Variants in BABAM2 observed in about 807,000 individuals in gnomAD.
The protein encoded by BABAM2 is BRISC and BRCA1 A complex member 2, also known as BRISC and BRCA1-A complex member 2.
A neutral mutation model predicts 54.7 loss-of-function variants in BABAM2; 31 were observed. The ratio of observed to expected loss-of-function variants is 0.57; its 90% CI spans 0.43 to 0.77. The LOEUF is 0.77. BABAM2 is among the 30% of genes least tolerant of loss of function. The pLI, the probability that BABAM2 is intolerant of heterozygous loss-of-function variation, is 0.00. For synonymous variants in BABAM2, 167 were observed against 162.9 expected, an observed-to-expected ratio of 1.03 and a Z score of -0.19; for missense variants, 364 against 455.8, an observed-to-expected ratio of 0.80 and a Z score of 1.83.
intron 10 of BABAM2, among the ~76,000 whole-genome samples, chr2:28,264,229 A>G (rs1558483989): frequency 1.3e-5 from 2 of 152,174 alleles, no homozygotes; most frequent in Non-Finnish European, 2.9e-5. Context: ...TAAGAGCTGA[A>G]TGTAAGCATG....
chr2:28,086,876 A>C (rs1028638119), intron 6 of BABAM2, among the ~76,000 whole-genome samples: 1 of 152,234 alleles, frequency 6.6e-6, no homozygotes, highest in African/African-American at 2.4e-5. Context: ...GTCCACTTCT[A>C]ATTACTTACT....
intron 11 of BABAM2, among the ~76,000 whole-genome samples, chr2:28,300,967 C>T (rs12617913): frequency 0.62 from 94,594 of 152,040 alleles, 29,575 homozygotes; most frequent in Middle Eastern, 0.78. Context: ...ACTGAGTAAC[C>T]ACCCTGTGCT....
Position 27,898,339 on chromosome 2 carries a change from C to A in BABAM2, c.128+3655C>A, listed in dbSNP as rs181473979. 6.6e-5 allele frequency among the ~76,000 whole-genome samples: 10 copies of A among 152,238 alleles called. No individual in the cohort carries two copies. In the East Asian group the frequency reaches 1.9e-3, roughly 29 times the overall value. On this transcript the variant is annotated intron_variant, in intron 2 of 11. Coordinates refer to ENST00000379624, the MANE Select transcript of BABAM2 (RefSeq NM_199191.3). ...TGCATTTTACTGCTAGGAACAAACA[C>A]ATTAAGGATTTTCTTCTTTTATTGG...
At chr2:27,918,986 G>A (rs568529061) in intron 2 of BABAM2, among the ~76,000 whole-genome samples, 4 of 152,160 alleles carry the variant, frequency 2.6e-5, no homozygotes, top group Admixed American at 6.5e-5. Flanking sequence ...CACTGTGCCC[G>A]GCCTCATTAT....
At chr2:27,890,380 A>G (rs1211603708), upstream of BABAM2, 1 of 1,593,696 alleles carries the variant, frequency 6.3e-7, no homozygotes, top group Non-Finnish European at 8.5e-7. The surrounding 1 kb of genome is among the most constrained non-coding windows in gnomAD (Gnocchi z 4.8). Flanking sequence ...CTGGACGGTG[A>G]CCTCTGCCCT....
chr2:28,112,143 TTCTTTACCTCCCTCCC>T (rs1668111916), intron 6 of BABAM2, among the ~76,000 whole-genome samples: 10 of 12,558 alleles, frequency 8.0e-4, no homozygotes, highest in African/African-American at 2.8e-3. Flanking sequence ...CTTTCTTTCT[TTCTTTACCTCCCTCCC>T]TCCCTCCCTC....
At chr2:27,982,911 A>G (rs1672128508) in intron 3 of BABAM2, among the ~76,000 whole-genome samples, 1 of 151,494 alleles carries the variant, frequency 6.6e-6, no homozygotes, top group Non-Finnish European at 1.5e-5. Context: ...TTATCCATTC[A>G]TCTGTTTGTG....
chr2:28,237,398 C>A, intron 8 of BABAM2, 97 bp downstream of exon 8: 1 of 1,093,336 alleles, frequency 9.1e-7, no homozygotes, highest in Non-Finnish European at 1.4e-6. Context: ...CTTCTCGGAC[C>A]GACTGCTCAG....
intron 6 of BABAM2, among the ~76,000 whole-genome samples, chr2:28,069,531 C>A (rs1663925754): frequency 6.6e-6 from 1 of 152,160 alleles, no homozygotes; most frequent in African/African-American, 2.4e-5. Flanking sequence ...TTCTAGAGAG[C>A]TTAGTTCTTC....
chr2:28,064,776 C>T (rs767639814), intron 6 of BABAM2, among the ~76,000 whole-genome samples: 10 of 151,940 alleles, frequency 6.6e-5, no homozygotes, highest in Non-Finnish European at 1.0e-4. Context: ...CGGAGGTGGG[C>T]GGATCACCTG....
At chr2:27,944,504 G>T (rs1454894001) in intron 3 of BABAM2, among the ~76,000 whole-genome samples, 1 of 152,046 alleles carries the variant, frequency 6.6e-6, no homozygotes, top group Non-Finnish European at 1.5e-5. Context: ...TTGGTATATG[G>T]CCTCTTTCAG....
chr2:28,335,947 C>T (rs1299190884), intron 11 of BABAM2, among the ~76,000 whole-genome samples: 1 of 152,186 alleles, frequency 6.6e-6, no homozygotes, highest in Admixed American at 6.5e-5. Flanking sequence ...CCTTCACTTT[C>T]TTAGCTTCTC....
chr2:27,953,199 G>C (rs914392930), intron 3 of BABAM2, among the ~76,000 whole-genome samples: 14 of 151,748 alleles, frequency 9.2e-5, no homozygotes, highest in Admixed American at 3.3e-4. Context: ...AATTTTCTTT[G>C]AGACAGAGGC....
intron 6 of BABAM2, among the ~76,000 whole-genome samples, chr2:28,128,164 G>GC (rs1205694477): frequency 6.6e-6 from 1 of 152,152 alleles, no homozygotes; most frequent in African/African-American, 2.4e-5. Flanking sequence ...TGCTGCTGGT[G>GC]TGGCTGCTGA....
chr2:27,927,000 T>C (rs1334134913), intron 2 of BABAM2, among the ~76,000 whole-genome samples: 1 of 152,210 alleles, frequency 6.6e-6, no homozygotes, highest in Admixed American at 6.5e-5. Flanking sequence ...TTAACTCTAG[T>C]CATCTACAGT....
At chr2:28,078,384 G>A (rs1573534938) in intron 6 of BABAM2, among the ~76,000 whole-genome samples, 1 of 151,908 alleles carries the variant, frequency 6.6e-6, no homozygotes, top group African/African-American at 2.4e-5. Context: ...ATTCAGACAT[G>A]CCACACAAGC....
intron 7 of BABAM2, among the ~76,000 whole-genome samples, chr2:28,162,078 T>G (rs1178622935): frequency 6.6e-6 from 1 of 152,226 alleles, no homozygotes; most frequent in Non-Finnish European, 1.5e-5. Context: ...ACTAGTGATT[T>G]CAAATGAAAC....
Position 28,304,802 on chromosome 2 carries a change from G to A in BABAM2, c.1088+6311G>A, listed in dbSNP as rs1246568613. Among the ~76,000 whole-genome samples the A allele has an allele frequency of 3.3e-5, 5 of 151,622 alleles. No individual in the cohort carries two copies. Among genetic ancestry groups the A allele is most frequent in the African/African-American group, 4.8e-5 (2 of 41,244 alleles). ...TTACCATGTTGCCCAGGCTGGTCTC[G>A]AACTCCTGAGCACAGGCAATCCACC... On this transcript the variant is annotated intron_variant, in intron 11 of 11. Transcript: ENST00000379624. This position sits in a 1 kb window ranked among gnomAD's most constrained non-coding sequence, Gnocchi z 4.0.
chr2:28,065,193 A>T (rs1318622890), intron 6 of BABAM2, among the ~76,000 whole-genome samples: 1 of 152,204 alleles, frequency 6.6e-6, no homozygotes, highest in Non-Finnish European at 1.5e-5. Flanking sequence ...TGACTTGTTC[A>T]TAAGTGTGAG....
Sources: gnomAD v4.1 joint callset for allele counts (sites outside exome capture counted in the v4.1 genomes callset) on GRCh38, gnomAD v4.1.1 for gene constraint, Gnocchi (gnomAD v3.1) non-coding constraint, MANE v1.5 for transcripts, NCBI Gene and HGNC (gene_info 2026-07-23, HGNC 2026-07-21) for gene names.